DDX10: variants seen among roughly 807,000 people sequenced by gnomAD.
DDX10 encodes DEAD-box helicase 10.
A neutral mutation model predicts 104.3 loss-of-function variants in DDX10; 74 were observed. The ratio of observed to expected loss-of-function variants is 0.71; its 90% CI spans 0.59 to 0.86. The LOEUF (loss-of-function observed/expected upper bound fraction) is 0.86. Among genes scored for constraint, DDX10 ranks in the 40% least tolerant of loss-of-function variants. DDX10 has a pLI of 0.00. For missense variants in DDX10, 952 were observed against 1,040.0 expected (o/e 0.92, Z 1.16); for synonymous variants, 351 against 353.4 (o/e 0.99, Z 0.08).
intron 15 of DDX10, among the ~76,000 whole-genome samples, chr11:108,845,919 CATTCTT>C (rs375136583): frequency 1.6e-4 from 25 of 152,216 alleles, no homozygotes; most frequent in African/African-American, 6.0e-4. Context: ...CATGTGCACT[CATTCTT>C]AGTATAGTAG....
intron 11 of DDX10, 43 bp from the exon 12 acceptor site, chr11:108,719,754 T>C (rs1165715215): frequency 2.4e-6 from 3 of 1,275,604 alleles, no homozygotes; most frequent in Non-Finnish European, 3.3e-6. Context: ...AAACTCATTT[T>C]TAATTTCTAT....
In DDX10 at chr11:108,719,845, G is replaced by A. The variant is rs779929924; in HGVS notation, c.1459G>A (p.Val487Ile). The change falls in exon 12 of 18, where the codon GTA becomes ATA. Residue 487 changes from valine (V) to isoleucine (I), a missense_variant. By Grantham distance (29) the Val-to-Ile change is conservative. Around this residue, in one of 3 missense-constraint regions of DDX10, gnomAD observed 533 missense variants for 534.1 expected, o/e 1.00. Transcript: ENST00000322536. Reference protein sequence around the residue: ...RSVYLMKDKEVFDVSKLPIPE... With the variant: ...RSVYLMKDKEIFDVSKLPIPE... ...TGTATATCTGATGAAGGATAAAGAA[G>A]TATTTGATGTGAGCAAGTTACCTAT... 6.2e-7 allele frequency: 1 copy of A among 1,607,758 alleles called. No individual in the cohort carries two copies. The highest frequency in any genetic ancestry group is 1.1e-5 in the South Asian group (1 of 90,916).
chr11:108,757,933 A>T (rs988365259), intron 13 of DDX10, among the ~76,000 whole-genome samples: 1 of 151,852 alleles, frequency 6.6e-6, no homozygotes, highest in Admixed American at 6.6e-5. Flanking sequence ...TTTCCACTTC[A>T]TTGACCTGGC....
chr11:108,784,462 C>T lies in DDX10; in HGVS notation c.1966-53984C>T, dbSNP rs79383849. On this transcript the variant is annotated intron_variant, in intron 13 of 17. Transcript: ENST00000322536. ...TGCCCAGTGTGATCTCAGCTCACTG[C>T]AGCCTTGATGTCCTGGGCTTAAGTG... is the stretch of plus-strand genomic sequence containing the variant. 2.2e-4 allele frequency among the ~76,000 whole-genome samples: 33 copies of T among 152,248 alleles called. No individual in the cohort carries two copies. In the East Asian group the frequency reaches 6.2e-3, roughly 28 times the overall value.
At chr11:108,796,266 A>G (rs918369274) in intron 13 of DDX10, among the ~76,000 whole-genome samples, 13 of 152,160 alleles carry the variant, frequency 8.5e-5, no homozygotes, top group African/African-American at 9.7e-5. Flanking sequence ...CATAGAGCCA[A>G]TTGTGGGTTC....
intron 16 of DDX10, among the ~76,000 whole-genome samples, chr11:108,885,396 C>T (rs897703426): frequency 6.8e-6 from 1 of 146,724 alleles, no homozygotes; most frequent in African/African-American, 2.5e-5. Context: ...CTCGCACTCT[C>T]ACCCAGGCTG....
intron 13 of DDX10, among the ~76,000 whole-genome samples, chr11:108,778,159 C>G (rs1237424642): frequency 6.6e-6 from 1 of 152,040 alleles, no homozygotes; most frequent in Non-Finnish European, 1.5e-5. Flanking sequence ...CCATCAAGCT[C>G]CAATGACTTT....
intron 13 of DDX10, among the ~76,000 whole-genome samples, chr11:108,735,396 G>C (rs2094317138): frequency 6.6e-6 from 1 of 152,118 alleles, no homozygotes; most frequent in Non-Finnish European, 1.5e-5. Flanking sequence ...ATGAATATGT[G>C]TGCTATGGTA....
intron 12 of DDX10, among the ~76,000 whole-genome samples, chr11:108,722,482 TA>T: frequency 6.6e-6 from 1 of 152,192 alleles, no homozygotes. Context: ...TATTCTCTTT[TA>T]GGAAGGGAGA....
intron 16 of DDX10, among the ~76,000 whole-genome samples, chr11:108,889,151 A>G (rs1863341272): frequency 6.6e-6 from 1 of 152,152 alleles, no homozygotes; most frequent in African/African-American, 2.4e-5. Context: ...AGCTTTTATT[A>G]TTACATAATT....
At chr11:108,709,684 G>A (rs2094281367) in intron 10 of DDX10, among the ~76,000 whole-genome samples, 1 of 151,710 alleles carries the variant, frequency 6.6e-6, no homozygotes, top group Admixed American at 6.6e-5. Context: ...ATGGTTATAG[G>A]CTTATGACTT....
chr11:108,783,257 G>A (rs1051809083), intron 13 of DDX10, among the ~76,000 whole-genome samples: 1 of 152,128 alleles, frequency 6.6e-6, no homozygotes, highest in Non-Finnish European at 1.5e-5. Flanking sequence ...TTTAATGGAA[G>A]CTTAAAAGTA....
chr11:108,691,941 T>C lies in DDX10; in HGVS notation c.1041T>C (p.Gly347=). 1.9e-6 allele frequency: 3 copies of C among 1,614,084 alleles called. No individual in the cohort carries two copies. The highest frequency in any genetic ancestry group is 2.5e-6 in the Non-Finnish European group (3 of 1,180,008). Residue 347 remains glycine, a synonymous_variant, in exon 8 of 18, where the codon GGT becomes GGC. Coordinates refer to ENST00000322536, the MANE Select transcript of DDX10 (RefSeq NM_004398.4). ...GTGTTTCTATCCTTGCACTCCATGG[T>C]CGACAGCAGCAAATGAGAAGAATGG... ...RPGVSILALH[G]RQQQMRRMEV... is the part of the protein sequence containing the mutation.
chr11:108,741,772 C>T (rs981220695), intron 13 of DDX10, among the ~76,000 whole-genome samples: 6 of 152,116 alleles, frequency 3.9e-5, no homozygotes, highest in African/African-American at 2.4e-5. Flanking sequence ...TCCTGTCTTC[C>T]TATTTGGGTG....
chr11:108,907,471 G>T (rs1863612731), intron 16 of DDX10, among the ~76,000 whole-genome samples: 1 of 152,092 alleles, frequency 6.6e-6, no homozygotes, highest in African/African-American at 2.4e-5. Flanking sequence ...AAATAGCTGG[G>T]ATTACAGGTG....
At chr11:108,677,026 G>T (rs902853186) in intron 3 of DDX10, 59 bp from the exon 4 acceptor site, 13 of 1,523,618 alleles carry the variant, frequency 8.5e-6, no homozygotes, top group African/African-American at 1.4e-5. Flanking sequence ...AGGTTGAGAT[G>T]CAGGTCAAAA....
At chr11:108,742,016 T>C (rs1342359042) in intron 13 of DDX10, among the ~76,000 whole-genome samples, 1 of 152,162 alleles carries the variant, frequency 6.6e-6, no homozygotes, top group Non-Finnish European at 1.5e-5. Context: ...CTCAGCACTT[T>C]GGGAGGCCAA....
chr11:108,721,884 G>GT (rs2094298825), intron 12 of DDX10, among the ~76,000 whole-genome samples: 1 of 152,186 alleles, frequency 6.6e-6, no homozygotes, highest in East Asian at 1.9e-4. Context: ...ACATAAAAAT[G>GT]TAAGTGCAAT....
At chr11:108,837,088 A>G (rs10890897) in intron 13 of DDX10, among the ~76,000 whole-genome samples, 71,681 of 151,982 alleles carry the variant, frequency 0.47, 20,214 homozygotes, top group Non-Finnish European at 0.62. Context: ...CACAAAATCA[A>G]TGTATAAAAG....
Sources: gnomAD v4.1 joint callset for allele counts (sites outside exome capture counted in the v4.1 genomes callset) on GRCh38, gnomAD v4.1.1 for gene constraint, gnomAD v4.1.1 regional missense constraint, MANE v1.5 for transcripts, NCBI Gene and HGNC (gene_info 2026-07-23, HGNC 2026-07-21) for gene names.